The following DLEU7 variants were observed in gnomAD, a reference collection of about 807,000 sequenced individuals.
The protein encoded by DLEU7 is leukemia-associated protein 7.
In DLEU7, 17 loss-of-function variants were observed where a neutral mutation model predicts 16.0. The ratio of observed to expected loss-of-function variants is 1.06; its 90% CI spans 0.73 to 1.59. DLEU7 has a LOEUF of 1.59. Ranked by LOEUF, DLEU7 falls within the 40% of genes most tolerant of loss-of-function variation. DLEU7 has a pLI of 0.00. For synonymous variants in DLEU7, 113 were observed against 139.8 expected, an observed-to-expected ratio of 0.81 and a Z score of 1.35; for missense variants, 308 against 314.9, an observed-to-expected ratio of 0.98 and a Z score of 0.17.
intron 1 of DLEU7, among the ~76,000 whole-genome samples, chr13:50,828,767 A>G (rs565589116): frequency 6.6e-6 from 1 of 152,316 alleles, no homozygotes; most frequent in Admixed American, 6.5e-5. Context: ...TGCTTATTAG[A>G]AAACATCCCT....
chr13:50,745,822 T>C (rs1253198803), intron 1 of DLEU7, among the ~76,000 whole-genome samples: 1 of 152,138 alleles, frequency 6.6e-6, no homozygotes, highest in African/African-American at 2.4e-5. Flanking sequence ...TTTCAGTCTA[T>C]TTAATAGGAA....
At chr13:50,804,827 T>C (rs555287628) in intron 1 of DLEU7, among the ~76,000 whole-genome samples, 37 of 152,238 alleles carry the variant, frequency 2.4e-4, no homozygotes, top group African/African-American at 8.9e-4. Flanking sequence ...AAAAATGAAG[T>C]ATTTTCTTCT....
intron 1 of DLEU7, among the ~76,000 whole-genome samples, chr13:50,721,674 A>C (rs550593086): frequency 5.1e-4 from 78 of 152,318 alleles, no homozygotes; most frequent in Admixed American, 2.4e-3. Flanking sequence ...ACAGGTAAAA[A>C]GATCAACAGA....
intron 1 of DLEU7, among the ~76,000 whole-genome samples, chr13:50,827,484 G>A (rs999183854): frequency 2.0e-5 from 3 of 151,440 alleles, no homozygotes; most frequent in Admixed American, 2.0e-4. Context: ...TTCGAGACCA[G>A]CCTGGGCTAC....
intron 1 of DLEU7, among the ~76,000 whole-genome samples, chr13:50,793,555 A>G (rs138179642): frequency 2.3e-3 from 355 of 152,354 alleles, no homozygotes; most frequent in African/African-American, 6.6e-3. Flanking sequence ...TCTGACTGGT[A>G]TGAAATATCT....
chr13:50,783,110 C>T (rs1875700995), intron 1 of DLEU7, among the ~76,000 whole-genome samples: 1 of 152,130 alleles, frequency 6.6e-6, no homozygotes, highest in Non-Finnish European at 1.5e-5. Flanking sequence ...TCCTCAGTCT[C>T]CTTATCTCCG....
intron 1 of DLEU7, among the ~76,000 whole-genome samples, chr13:50,738,347 C>G (rs1874143246): frequency 6.6e-6 from 1 of 152,166 alleles, no homozygotes; most frequent in South Asian, 2.1e-4. Context: ...CAAACCTAGA[C>G]TCACAAGATA....
chr13:50,801,644 A>G (rs944649322), intron 1 of DLEU7, among the ~76,000 whole-genome samples: 3 of 152,056 alleles, frequency 2.0e-5, no homozygotes, highest in African/African-American at 7.2e-5. Context: ...ATGATTTTAA[A>G]TTACCTTCCA....
intron 1 of DLEU7, among the ~76,000 whole-genome samples, chr13:50,786,104 T>C (rs1377022606): frequency 6.6e-6 from 1 of 152,172 alleles, no homozygotes; most frequent in African/African-American, 2.4e-5. Flanking sequence ...ATCATTTTGC[T>C]TGTGTGGTTT....
intron 1 of DLEU7, among the ~76,000 whole-genome samples, chr13:50,734,995 T>C (rs192349800): frequency 5.7e-4 from 86 of 152,180 alleles, no homozygotes; most frequent in African/African-American, 1.8e-3. Context: ...AAGAGAGCTG[T>C]CATGACTATA....
chr13:50,823,453 C>G lies in DLEU7; in HGVS notation c.527G>C (p.Arg176Thr), dbSNP rs1876978152. The change falls in exon 2 of 2, where the codon AGA becomes ACA. Residue 176 changes from arginine (R) to threonine (T), a missense_variant. Arg to Thr is a moderately conservative substitution (Grantham distance 71, BLOSUM62 -1). Coordinates refer to ENST00000504404, the MANE Select transcript of DLEU7 (RefSeq NM_001306135.2). ...ACACTGGTGGGCAGCATTCAAGTCTCTGTCAAACTGCTGTCCTTCAATCTG... is the reference window on the plus strand; with the variant it reads ...ACACTGGTGGGCAGCATTCAAGTCTGTGTCAAACTGCTGTCCTTCAATCTG... ...ALQIEGQQFD[R>T]DLNAAHQCLK... 5 of 1,535,960 alleles carry G rather than the reference C, an allele frequency of 3.3e-6. No homozygotes were observed. In the East Asian group the frequency reaches 1.2e-4, roughly 38 times the overall value.
chr13:50,759,729 G>A (rs1874868769), intron 1 of DLEU7, among the ~76,000 whole-genome samples: 1 of 152,126 alleles, frequency 6.6e-6, no homozygotes, highest in South Asian at 2.1e-4. Flanking sequence ...TGGAAGAAGT[G>A]ACCCGTGAGG....
intron 1 of DLEU7, among the ~76,000 whole-genome samples, chr13:50,835,665 G>C (rs1326510223): frequency 6.6e-6 from 1 of 152,172 alleles, no homozygotes; most frequent in Non-Finnish European, 1.5e-5. Flanking sequence ...CGCCCAGCTG[G>C]AGGTTTCCTT....
intron 1 of DLEU7, among the ~76,000 whole-genome samples, chr13:50,792,171 T>TGAG (rs1875978483): frequency 6.6e-6 from 1 of 152,230 alleles, no homozygotes; most frequent in Non-Finnish European, 1.5e-5. Flanking sequence ...ATGGTGAACA[T>TGAG]GAGTTTTCTG....
At chr13:50,790,853 G>T (rs1214297470) in intron 1 of DLEU7, among the ~76,000 whole-genome samples, 3 of 152,076 alleles carry the variant, frequency 2.0e-5, no homozygotes, top group Non-Finnish European at 4.4e-5. Context: ...GAGGCTTTGT[G>T]CTCTTTAGAA....
intron 1 of DLEU7, among the ~76,000 whole-genome samples, chr13:50,816,370 G>A (rs1291529744): frequency 1.3e-5 from 2 of 152,092 alleles, no homozygotes; most frequent in Non-Finnish European, 2.9e-5. Flanking sequence ...CTGAGTTACA[G>A]AGGAAATAGG....
chr13:50,803,517 T>C (rs900562776), intron 1 of DLEU7, among the ~76,000 whole-genome samples: 1 of 152,098 alleles, frequency 6.6e-6, no homozygotes, highest in Non-Finnish European at 1.5e-5. Flanking sequence ...ACTTGAAATG[T>C]GGCTAGTTCC....
intron 1 of DLEU7, among the ~76,000 whole-genome samples, chr13:50,721,145 G>A (rs990611272): frequency 5.3e-5 from 8 of 152,294 alleles, no homozygotes; most frequent in Middle Eastern, 6.8e-3. Context: ...TGAGTCTTAC[G>A]GCTTTCATCT....
intron 1 of DLEU7, among the ~76,000 whole-genome samples, chr13:50,719,494 A>G (rs1024887741): frequency 6.6e-6 from 1 of 152,252 alleles, no homozygotes; most frequent in South Asian, 2.1e-4. Flanking sequence ...CCTCAAAGGT[A>G]ACTTTAATAG....
Sources: gnomAD v4.1 joint callset for allele counts (sites outside exome capture counted in the v4.1 genomes callset) on GRCh38, gnomAD v4.1.1 for gene constraint, MANE v1.5 for transcripts, NCBI Gene and HGNC (gene_info 2026-07-23, HGNC 2026-07-21) for gene names.